PDE4A: variants seen among roughly 807,000 people sequenced by gnomAD.
PDE4A encodes 3',5'-cyclic-AMP phosphodiesterase 4A.
In PDE4A, 21 loss-of-function variants were observed where a neutral mutation model predicts 73.9. The ratio of observed to expected loss-of-function variants is 0.28; its 90% CI spans 0.20 to 0.41. The LOEUF is 0.41. Among genes scored for constraint, PDE4A ranks in the 10% least tolerant of loss-of-function variants. The pLI is 1.00. For synonymous variants in PDE4A, 463 were observed against 505.4 expected, an observed-to-expected ratio of 0.92 and a Z score of 1.13; for missense variants, 958 against 1,211.4, an observed-to-expected ratio of 0.79 and a Z score of 3.10.
intron 1 of PDE4A, among the ~76,000 whole-genome samples, chr19:10,432,217 C>T (rs2042801783): frequency 6.6e-6 from 1 of 150,454 alleles, no homozygotes; most frequent in Admixed American, 6.6e-5. Context: ...TCCGCAGGAC[C>T]CCTGCAGGGG....
intron 1 of PDE4A, among the ~76,000 whole-genome samples, chr19:10,434,081 T>A (rs1001466116): frequency 1.3e-5 from 2 of 152,024 alleles, no homozygotes; most frequent in Non-Finnish European, 2.9e-5. Context: ...ATAAATAAAT[T>A]TTAAAAGAAA....
chr19:10,431,198 C>A, intron 1 of PDE4A: 1 of 744,334 alleles, frequency 1.3e-6, no homozygotes. Context: ...TCTTCTGTCA[C>A]ATAGCAGCGA....
At chr19:10,446,625 C>T (rs187884589) in intron 2 of PDE4A, among the ~76,000 whole-genome samples, 1 of 150,620 alleles carries the variant, frequency 6.6e-6, no homozygotes, top group African/African-American at 2.4e-5. Context: ...GACGGAGTCT[C>T]GCTCTGTCGT....
In PDE4A at chr19:10,420,627, G is replaced by T; in HGVS notation, c.-138G>T. ...GGCGATTGGCCCGCAGCGCCCCCGGGTCTGTCCCCGGGGCGCCATGGCCCT... is the reference window on the plus strand; with the variant it reads ...GGCGATTGGCCCGCAGCGCCCCCGGTTCTGTCCCCGGGGCGCCATGGCCCT... On this transcript the variant is annotated 5_prime_UTR_variant, in exon 1 of 15. Transcript: ENST00000380702. The surrounding 1 kb of genome is among the most constrained non-coding windows in gnomAD (Gnocchi z 6.0). The T allele has an allele frequency of 7.5e-7, 1 of 1,329,312 alleles. No individual in the cohort carries two copies. The highest frequency in any genetic ancestry group is 9.6e-7 in the Non-Finnish European group (1 of 1,045,896). The allele number at this position is 1,329,312 out of a possible 1,614,324, so 82.3% of individuals were successfully genotyped here.
intron 1 of PDE4A, among the ~76,000 whole-genome samples, chr19:10,437,826 A>T (rs2042885644): frequency 1.4e-5 from 2 of 140,374 alleles, no homozygotes; most frequent in Non-Finnish European, 3.1e-5. Flanking sequence ...TTTTTTTGAG[A>T]CAGGGTCTCA....
At chr19:10,437,820 T>C (rs1454052778) in intron 1 of PDE4A, among the ~76,000 whole-genome samples, 1 of 150,762 alleles carries the variant, frequency 6.6e-6, no homozygotes, top group East Asian at 1.9e-4. Flanking sequence ...TTTTTTTTTT[T>C]TTGAGACAGG....
chr19:10,457,747 C>G, intron 7 of PDE4A, 132 bp from the exon 8 acceptor site: 2 of 1,457,930 alleles, frequency 1.4e-6, no homozygotes, highest in Non-Finnish European at 1.8e-6. Context: ...GAGTAGCCAG[C>G]GGCATCACAG....
chr19:10,456,068 C>A (rs181452544), intron 7 of PDE4A, among the ~76,000 whole-genome samples: 1 of 151,428 alleles, frequency 6.6e-6, no homozygotes, highest in African/African-American at 2.4e-5. Flanking sequence ...ATGTTAGAAC[C>A]CTAATCTCTA....
At chr19:10,459,814 C>T in intron 10 of PDE4A, 55 bp downstream of exon 10, 1 of 1,547,600 alleles carries the variant, frequency 6.5e-7, no homozygotes, top group Non-Finnish European at 8.8e-7. Context: ...ACTGCCTCTT[C>T]AGCCTCCTGT....
rs114518090 is a variant in PDE4A, at chr19:10,465,530, C to T, written c.1927-1357C>T. 6.3e-3 allele frequency among the ~76,000 whole-genome samples: 954 copies of T among 151,352 alleles called. 11 individuals carry two copies. Among genetic ancestry groups the T allele is most frequent in the African/African-American group, 0.022 (898 of 41,252 alleles). On this transcript the variant is annotated intron_variant, in intron 14 of 14. Coordinates refer to ENST00000380702, the MANE Select transcript of PDE4A (RefSeq NM_001111307.2). ...CCACCGCGCCCAGCCTCCCCCTGCT[C>T]ATTTGTAAAGACCAAAAATGCCTCC...
At chr19:10,416,831 G>T, upstream of PDE4A, 22 of 1,530,866 alleles carry the variant, frequency 1.4e-5, no homozygotes, top group Non-Finnish European at 1.9e-5. Context: ...GGCCCGACCG[G>T]CAGGGGGAGC....
chr19:10,465,511 C>A (rs1403667934), intron 14 of PDE4A, among the ~76,000 whole-genome samples: 1 of 151,772 alleles, frequency 6.6e-6, no homozygotes, highest in African/African-American at 2.4e-5. Flanking sequence ...TAAGCCACCG[C>A]GCCCAGCCTC....
intron 11 of PDE4A, 78 bp from the exon 12 acceptor site, chr19:10,461,448 A>G: frequency 5.7e-6 from 9 of 1,569,466 alleles, no homozygotes; most frequent in South Asian, 1.2e-5. Flanking sequence ...GGGGTTAGCT[A>G]GTTGGGGGCG....
chr19:10,440,148 C>A (rs1219893520), intron 1 of PDE4A, among the ~76,000 whole-genome samples: 1 of 151,870 alleles, frequency 6.6e-6, no homozygotes, highest in Non-Finnish European at 1.5e-5. Flanking sequence ...CCACACCTAG[C>A]TAATTTTTGT....
chr19:10,450,714 C>A, intron 5 of PDE4A, 62 bp downstream of exon 5: 1 of 1,588,684 alleles, frequency 6.3e-7, no homozygotes, highest in Non-Finnish European at 8.6e-7. Flanking sequence ...GGTCCCTCAG[C>A]CCCTTCCCCA....
Position 10,466,934 on chromosome 19 carries a change from G to A in PDE4A, c.1974G>A (p.Ala658=), listed in dbSNP as rs142093650. Residue 658 remains alanine (A), a synonymous_variant, in exon 15 of 15, where the codon GCG becomes GCA. Coordinates refer to ENST00000380702, the MANE Select transcript of PDE4A (RefSeq NM_001111307.2). The part of the protein sequence containing the change: ...YIVHPLWETW[A]DLVHPDAQEI... Reference sequence around the variant, plus strand: ...TGCACCCATTGTGGGAGACCTGGGCGGACCTTGTCCACCCAGATGCCCAGG... The same window carrying A: ...TGCACCCATTGTGGGAGACCTGGGCAGACCTTGTCCACCCAGATGCCCAGG... 9.3e-6 allele frequency: 15 copies of A among 1,613,952 alleles called. No individual in the cohort carries two copies. Among genetic ancestry groups the A allele is most frequent in the Admixed American group, 3.3e-5 (2 of 59,988 alleles).
Position 10,466,913 on chromosome 19 carries a change from C to T in PDE4A, c.1953C>T (p.His651=). Reference sequence around the variant, plus strand: ...TGGGTTTTATTGACTACATTGTGCACCCATTGTGGGAGACCTGGGCGGACC... The same window carrying T: ...TGGGTTTTATTGACTACATTGTGCATCCATTGTGGGAGACCTGGGCGGACC... ...SQVGFIDYIV[H]PLWETWADLV... The change falls in exon 15 of 15, where the codon CAC becomes CAT. Residue 651 remains histidine, a synonymous_variant. Transcript: ENST00000380702. 6.2e-7 allele frequency: 1 copy of T among 1,614,046 alleles called. No homozygotes were observed.
At chr19:10,418,589 G>C (rs370855533), upstream of PDE4A, 3 of 166,756 alleles carry the variant, frequency 1.8e-5, no homozygotes, top group Admixed American at 1.3e-4. Flanking sequence ...GGGAGAGCAA[G>C]TGACTGTCTC....
rs370519251 is a variant in PDE4A at position 10,449,136 on chromosome 19, C to G, written c.606C>G (p.Pro202=). Reference sequence around the variant, plus strand: ...ACTTCTCACTCCTGACCAATGTGCCCGTTCCCAGTAACAAGTAAGTGAAGG... The same window carrying G: ...ACTTCTCACTCCTGACCAATGTGCCGGTTCCCAGTAACAAGTAAGTGAAGG... ...RSNFSLLTNV[P]VPSNKRSPLG... is the part of the protein sequence containing the mutation. Residue 202 remains proline (P), a synonymous_variant, in exon 4 of 15, where the codon CCC becomes CCG. Coordinates refer to ENST00000380702, the MANE Select transcript of PDE4A (RefSeq NM_001111307.2). 7 of 1,613,444 alleles carry G rather than the reference C, an allele frequency of 4.3e-6. No individual in the cohort carries two copies. In the Admixed American group the frequency reaches 5.0e-5, roughly 12 times the overall value.
Sources: allele counts gnomAD v4.1 joint callset (sites outside exome capture counted in the v4.1 genomes callset), GRCh38; gene constraint gnomAD v4.1.1; non-coding constraint Gnocchi (gnomAD v3.1); transcripts MANE v1.5; gene names NCBI Gene and HGNC (gene_info 2026-07-23, HGNC 2026-07-21).